SMURF1: variants seen among roughly 807,000 people sequenced by gnomAD.
SMURF1 encodes SMAD specific E3 ubiquitin protein ligase 1.
SMURF1 carries 44 observed loss-of-function variants against 98.0 expected under a neutral mutation model. The observed-to-expected ratio is 0.45, with a 90% CI of 0.35 to 0.58. SMURF1 has a LOEUF of 0.58. Among genes scored for constraint, SMURF1 ranks in the 20% least tolerant of loss-of-function variants. SMURF1 has a pLI of 0.00. For missense variants in SMURF1, 687 were observed against 938.4 expected (o/e 0.73, Z 3.50); for synonymous variants, 396 against 374.9 (o/e 1.06, Z -0.65).
intron 3 of SMURF1, among the ~76,000 whole-genome samples, chr7:99,058,541 C>A (rs538434675): frequency 6.6e-6 from 1 of 152,176 alleles, no homozygotes; most frequent in African/African-American, 2.4e-5. Flanking sequence ...TACAAACCTA[C>A]GGATCTATTC....
intron 1 of SMURF1, among the ~76,000 whole-genome samples, chr7:99,128,690 G>A (rs1301922696): frequency 2.0e-5 from 3 of 152,216 alleles, no homozygotes; most frequent in Non-Finnish European, 4.4e-5. Flanking sequence ...TAAACTGAAT[G>A]TGCTGGGTGT....
At chr7:99,048,031 G>T in intron 9 of SMURF1, 149 bp from the exon 10 acceptor site, 1 of 708,826 alleles carries the variant, frequency 1.4e-6, no homozygotes, top group Non-Finnish European at 2.4e-6. Flanking sequence ...CAGGTACCTA[G>T]CTAGCTGTGT....
Position 99,035,704 on chromosome 7 carries a change from C to T in SMURF1, c.1822G>A (p.Gly608Ser), listed in dbSNP as rs775851654. ...DQKELELIIG[G>S]LDKIDLNDWK... The stretch of plus-strand genomic sequence containing the variant: ...TCGTTCAAGTCTATTTTATCCAGGC[C>T]GCCTATGATCAGCTGAGGAGGTGCA... The change falls in exon 16 of 18, where the codon GGC (glycine) becomes AGC (serine). Residue 608 changes from glycine (G) to serine (S), a missense_variant. Around this residue, in one of 2 missense-constraint regions of SMURF1, gnomAD observed 272 missense variants for 430.0 expected, o/e 0.63. Transcript: ENST00000361368. The T allele has an allele frequency of 1.1e-5, 18 of 1,613,940 alleles. No individual in the cohort carries two copies. Among genetic ancestry groups the T allele is most frequent in the African/African-American group, 2.7e-5 (2 of 74,928 alleles).
intron 1 of SMURF1, among the ~76,000 whole-genome samples, chr7:99,104,223 T>C (rs761067753): frequency 6.6e-6 from 1 of 152,226 alleles, no homozygotes; most frequent in Non-Finnish European, 1.5e-5. Context: ...AAAAGTATTC[T>C]AAAACGTTAT....
intron 1 of SMURF1, among the ~76,000 whole-genome samples, chr7:99,063,249 A>ATATATATATATATAAGATT (rs1796089784): frequency 9.8e-4 from 3 of 3,058 alleles, no homozygotes; most frequent in Admixed American, 4.6e-3. Flanking sequence ...ATTTATATAT[A>ATATATATATATATAAGATT]TATATATATA....
chr7:99,078,463 C>G (rs1796511151), intron 1 of SMURF1, among the ~76,000 whole-genome samples: 1 of 152,130 alleles, frequency 6.6e-6, no homozygotes, highest in Non-Finnish European at 1.5e-5. Context: ...ATACACAGCT[C>G]TACTCACAAA....
intron 10 of SMURF1, among the ~76,000 whole-genome samples, chr7:99,046,530 C>T (rs1403448267): frequency 6.6e-6 from 1 of 151,904 alleles, no homozygotes; most frequent in Admixed American, 6.6e-5. Flanking sequence ...AAGTTCAAGA[C>T]CAGCCTGGCC....
intron 13 of SMURF1, 142 bp downstream of exon 13, chr7:99,040,236 T>C (rs910096455): frequency 3.3e-6 from 3 of 900,612 alleles, no homozygotes; most frequent in Non-Finnish European, 2.9e-6. Context: ...AAAATCCCCT[T>C]TTTTTGTTTC....
Position 99,073,685 on chromosome 7 carries a change from G to C in SMURF1, c.56-11848C>G, listed in dbSNP as rs572754889. Among the ~76,000 whole-genome samples, 5 of 151,518 alleles carry C rather than the reference G, an allele frequency of 3.3e-5. No homozygotes were observed. In the South Asian group the frequency reaches 1.0e-3, roughly 32 times the overall value. On this transcript the variant is annotated intron_variant, in intron 1 of 17. Coordinates refer to ENST00000361368, the MANE Select transcript of SMURF1 (RefSeq NM_181349.3). ...GGAGGCTAAGGCAGGACAATCGCTT[G>C]AACCCAGGGGGCTGAGGTTGCACTG...
At chr7:99,128,767 C>T (rs1192415640) in intron 1 of SMURF1, among the ~76,000 whole-genome samples, 1 of 152,220 alleles carries the variant, frequency 6.6e-6, no homozygotes, top group African/African-American at 2.4e-5. Flanking sequence ...GTTACCGGCA[C>T]TACCATTTAA....
chr7:99,040,235 T>G, intron 13 of SMURF1, 143 bp downstream of exon 13: 3 of 738,728 alleles, frequency 4.1e-6, no homozygotes, highest in Non-Finnish European at 5.1e-6. Context: ...AAAAATCCCC[T>G]TTTTTTGTTT....
intron 8 of SMURF1, chr7:99,051,028 A>G (rs1027445465): frequency 2.0e-6 from 3 of 1,493,984 alleles, no homozygotes; most frequent in African/African-American, 1.4e-5. Context: ...GAAGAGAGAA[A>G]GGGTAACAGA....
At position 99,038,485 on chromosome 7, in the gene SMURF1, C is replaced by T. The variant is rs1462112835; in HGVS notation, c.1591G>A (p.Val531Met). Residue 531 changes from valine (V) to methionine (M), a missense_variant, in exon 14 of 18, where the codon GTG (valine) becomes ATG (methionine). By Grantham distance (21) the Val-to-Met change is conservative. Coordinates refer to ENST00000361368, the MANE Select transcript of SMURF1 (RefSeq NM_181349.3). ...ITPVLDHTFC[V>M]EHNAFGRILQ... is the part of the protein sequence containing the mutation. ...ATCCGCCCGAAGGCGTTGTGTTCCA[C>T]GCAGAAGGTGTGGTCCAGTACAGGC... is the stretch of plus-strand genomic sequence containing the variant. 4.3e-6 allele frequency: 7 copies of T among 1,614,112 alleles called. No individual in the cohort carries two copies. Among genetic ancestry groups the T allele is most frequent in the Non-Finnish European group, 5.9e-6 (7 of 1,180,044 alleles).
chr7:99,111,764 C>T (rs976910651), intron 1 of SMURF1, among the ~76,000 whole-genome samples: 2 of 152,200 alleles, frequency 1.3e-5, no homozygotes, highest in African/African-American at 4.8e-5. Flanking sequence ...AGTACAGGTA[C>T]CTAGTACCAC....
chr7:99,135,947 A>G (rs539790618), intron 1 of SMURF1, among the ~76,000 whole-genome samples: 1 of 152,224 alleles, frequency 6.6e-6, no homozygotes, highest in Admixed American at 6.5e-5. Flanking sequence ...TAGATGAAAA[A>G]TTGTTTCATT....
intron 1 of SMURF1, among the ~76,000 whole-genome samples, chr7:99,066,044 C>CAA (rs35565503): frequency 7.4e-6 from 1 of 136,030 alleles, no homozygotes; most frequent in Non-Finnish European, 1.6e-5. Context: ...GATTCCGTCT[C>CAA]AAAAAAAAAA....
At chr7:99,084,277 T>C (rs565995333) in intron 1 of SMURF1, among the ~76,000 whole-genome samples, 1 of 152,336 alleles carries the variant, frequency 6.6e-6, no homozygotes, top group African/African-American at 2.4e-5. Context: ...TTTTTATTTA[T>C]TAATTGATAT....
At chr7:99,081,935 G>A (rs1439576673) in intron 1 of SMURF1, among the ~76,000 whole-genome samples, 1 of 152,208 alleles carries the variant, frequency 6.6e-6, no homozygotes, top group Non-Finnish European at 1.5e-5. Context: ...TTACAGGCAT[G>A]AGCCACCACA....
At position 99,038,467 on chromosome 7, in the gene SMURF1, C is replaced by T. The variant is rs1193090065; in HGVS notation, c.1609G>A (p.Gly537Arg). The change falls in exon 14 of 18, where the codon GGG (glycine) becomes AGG (arginine). Residue 537 changes from glycine (G) to arginine (R), a missense_variant. Transcript: ENST00000361368. ...HTFCVEHNAF[G>R]RILQHELKPN... ...TTCAGTTCATGCTGCAGGATCCGCC[C>T]GAAGGCGTTGTGTTCCACGCAGAAG... 3.7e-6 allele frequency: 6 copies of T among 1,614,232 alleles called. No homozygotes were observed. The highest frequency in any genetic ancestry group is 1.6e-4 in the Middle Eastern group (1 of 6,062).
Sources: gnomAD v4.1 joint callset for allele counts (sites outside exome capture counted in the v4.1 genomes callset) on GRCh38, gnomAD v4.1.1 for gene constraint, gnomAD v4.1.1 regional missense constraint, MANE v1.5 for transcripts, NCBI Gene and HGNC (gene_info 2026-07-23, HGNC 2026-07-21) for gene names.